The following RALGAPA2 variants were observed in gnomAD, a reference collection of about 807,000 sequenced individuals.
RALGAPA2 encodes ral GTPase-activating protein subunit alpha-2.
Under a neutral mutation model 230.4 loss-of-function variants are expected in RALGAPA2, and 139 were observed. That is an observed-to-expected ratio of 0.60 (90% CI 0.53 to 0.69). RALGAPA2 has a LOEUF of 0.69. Ranked by LOEUF, RALGAPA2 falls within the 30% of genes least tolerant of loss-of-function variation. The pLI is 0.00. For synonymous variants in RALGAPA2, 847 were observed against 837.8 expected (o/e 1.01, Z -0.19); for missense variants, 2,163 against 2,276.0 (o/e 0.95, Z 1.01).
intron 23 of RALGAPA2, among the ~76,000 whole-genome samples, chr20:20,552,832 C>CT (rs1033719094): frequency 6.6e-6 from 1 of 152,122 alleles, no homozygotes; most frequent in African/African-American, 2.4e-5. Flanking sequence ...CTCATTTCTG[C>CT]TAGTGGGTCT....
At position 20,667,984 on chromosome 20, in the gene RALGAPA2, A is replaced by C. The variant is rs142793761; in HGVS notation, c.270+8252T>G. On this transcript the variant is annotated intron_variant, in intron 3 of 39. Coordinates refer to ENST00000202677, the MANE Select transcript of RALGAPA2 (RefSeq NM_020343.4). ...CCAAGGGCACTCTGGTAATAAGAAGAAGCCCAGAGAAACCATTTCAGTAAA... is the reference window on the plus strand; with the variant it reads ...CCAAGGGCACTCTGGTAATAAGAAGCAGCCCAGAGAAACCATTTCAGTAAA... Among the ~76,000 whole-genome samples the C allele has an allele frequency of 3.3e-4, 50 of 152,302 alleles. 2 individuals are homozygous for C. In the East Asian group the frequency reaches 4.2e-3, roughly 13 times the overall value.
intron 11 of RALGAPA2, 104 bp downstream of exon 11, chr20:20,620,359 G>A: frequency 8.2e-7 from 1 of 1,213,812 alleles, no homozygotes; most frequent in Non-Finnish European, 1.1e-6. Flanking sequence ...GGATAAAAAA[G>A]AGATCCACCT....
intron 31 of RALGAPA2, among the ~76,000 whole-genome samples, chr20:20,518,082 A>T (rs1569458414): frequency 6.6e-6 from 1 of 151,600 alleles, no homozygotes; most frequent in East Asian, 1.9e-4. Context: ...CCCGAGATGG[A>T]GTCTTGCTCT....
At chr20:20,669,636 C>CA (rs915632438) in intron 3 of RALGAPA2, among the ~76,000 whole-genome samples, 5 of 152,080 alleles carry the variant, frequency 3.3e-5, no homozygotes, top group South Asian at 2.1e-4. Context: ...TTCCTTCCTG[C>CA]AAAAAAACAC....
At position 20,618,591 on chromosome 20, in the gene RALGAPA2, T is replaced by A. The variant is rs1349883999; in HGVS notation, c.1539+686A>T. Among the ~76,000 whole-genome samples the A allele has an allele frequency of 2.0e-5, 3 of 152,048 alleles. No individual in the cohort carries two copies. In the South Asian group the frequency reaches 6.2e-4, roughly 32 times the overall value. On this transcript the variant is annotated intron_variant, in intron 12 of 39. Coordinates refer to ENST00000202677, the MANE Select transcript of RALGAPA2 (RefSeq NM_020343.4). Reference sequence around the variant, plus strand: ...CCAGACTCCACACCTGGCCTCTACATGAGAGGCCTAAGTGACACATCTCCA... The same window carrying A: ...CCAGACTCCACACCTGGCCTCTACAAGAGAGGCCTAAGTGACACATCTCCA...
intron 3 of RALGAPA2, 43 bp downstream of exon 3, chr20:20,676,193 C>A: frequency 7.7e-7 from 1 of 1,293,452 alleles, no homozygotes. Context: ...TACTTTATTT[C>A]CAACAAGAAT....
At chr20:20,482,544 C>G (rs2061804031) in intron 36 of RALGAPA2, among the ~76,000 whole-genome samples, 1 of 152,118 alleles carries the variant, frequency 6.6e-6, no homozygotes, top group South Asian at 2.1e-4. Context: ...TTTTCTAGCG[C>G]AGGGTTCCCC....
At chr20:20,448,148 A>C (rs1200162074) in intron 37 of RALGAPA2, among the ~76,000 whole-genome samples, 1 of 152,230 alleles carries the variant, frequency 6.6e-6, no homozygotes, top group Non-Finnish European at 1.5e-5. Flanking sequence ...ATGAATATTC[A>C]GATGTATTTT....
chr20:20,570,785 C>T (rs2064603246), intron 23 of RALGAPA2, among the ~76,000 whole-genome samples: 1 of 152,138 alleles, frequency 6.6e-6, no homozygotes, highest in Admixed American at 6.6e-5. Context: ...CATCACTTGC[C>T]TGCTTGATAT....
intron 36 of RALGAPA2, among the ~76,000 whole-genome samples, chr20:20,485,224 C>G (rs1182629397): frequency 6.6e-6 from 1 of 152,150 alleles, no homozygotes; most frequent in African/African-American, 2.4e-5. Context: ...GCAGGTTCTG[C>G]TATGTAATGT....
At position 20,588,020 on chromosome 20, in the gene RALGAPA2, C is replaced by T. The variant is rs933416350; in HGVS notation, c.2439+1248G>A. Among the ~76,000 whole-genome samples the T allele has an allele frequency of 2.6e-5, 4 of 152,106 alleles. No homozygotes were observed. In the South Asian group the frequency reaches 8.3e-4, roughly 31 times the overall value. ...AATGAAGATGAATGGGAGCTCTACA[C>T]AATGCTGGCAAAAATATGAGTGATG... On this transcript the variant is annotated intron_variant, in intron 18 of 39. Coordinates refer to ENST00000202677, the MANE Select transcript of RALGAPA2 (RefSeq NM_020343.4).
intron 3 of RALGAPA2, among the ~76,000 whole-genome samples, chr20:20,671,050 C>G (rs2068120196): frequency 6.6e-6 from 1 of 151,962 alleles, no homozygotes; most frequent in African/African-American, 2.4e-5. Context: ...CAGCTGGAGT[C>G]AACTTCCAAA....
At chr20:20,583,615 C>T (rs377741407) in intron 19 of RALGAPA2, among the ~76,000 whole-genome samples, 3 of 152,198 alleles carry the variant, frequency 2.0e-5, no homozygotes, top group South Asian at 2.1e-4. Context: ...TTTACTCTAC[C>T]GGGTAGAAGA....
intron 9 of RALGAPA2, among the ~76,000 whole-genome samples, chr20:20,634,701 G>A (rs2066798345): frequency 6.6e-6 from 1 of 152,156 alleles, no homozygotes; most frequent in African/African-American, 2.4e-5. Context: ...TGTTCTTGGG[G>A]ACAATAAACA....
intron 1 of RALGAPA2, among the ~76,000 whole-genome samples, chr20:20,699,223 A>G (rs2069244099): frequency 6.6e-6 from 1 of 152,182 alleles, no homozygotes; most frequent in Admixed American, 6.5e-5. Context: ...TTCAAAGGTG[A>G]TGTGTCTGTT....
chr20:20,570,891 C>T (rs1350319073), intron 23 of RALGAPA2, among the ~76,000 whole-genome samples: 1 of 152,170 alleles, frequency 6.6e-6, no homozygotes, highest in East Asian at 1.9e-4. Flanking sequence ...CTGGCCACAC[C>T]CTATCTCCCA....
intron 37 of RALGAPA2, among the ~76,000 whole-genome samples, chr20:20,436,434 A>C (rs2060614098): frequency 6.6e-6 from 1 of 152,218 alleles, no homozygotes; most frequent in African/African-American, 2.4e-5. Flanking sequence ...CACGTTACTT[A>C]TCTATTCCTT....
At chr20:20,552,993 G>A (rs1040026713) in intron 23 of RALGAPA2, among the ~76,000 whole-genome samples, 1 of 151,994 alleles carries the variant, frequency 6.6e-6, no homozygotes, top group Non-Finnish European at 1.5e-5. Flanking sequence ...AGCAGAGCAC[G>A]GCGCCAATAC....
intron 25 of RALGAPA2, among the ~76,000 whole-genome samples, chr20:20,536,302 G>A (rs1299860165): frequency 6.6e-6 from 1 of 152,092 alleles, no homozygotes; most frequent in East Asian, 1.9e-4. Flanking sequence ...TGAATATTTA[G>A]CTTATTTCCA....
Sources: allele counts gnomAD v4.1 joint callset (sites outside exome capture counted in the v4.1 genomes callset), GRCh38; gene constraint gnomAD v4.1.1; transcripts MANE v1.5; gene names NCBI Gene and HGNC (gene_info 2026-07-23, HGNC 2026-07-21).